Variants in DZIP3 observed in about 807,000 individuals in gnomAD.
The protein encoded by DZIP3 is DAZ interacting zinc finger protein 3.
Under a neutral mutation model 162.0 loss-of-function variants are expected in DZIP3, and 118 were observed. The observed-to-expected ratio is 0.73, with a 90% CI of 0.63 to 0.85. The LOEUF (loss-of-function observed/expected upper bound fraction) is 0.85. Ranked by LOEUF, DZIP3 falls within the 40% of genes least tolerant of loss-of-function variation. DZIP3 has a pLI of 0.00. For missense variants in DZIP3, 1,331 were observed against 1,407.0 expected (o/e 0.95, Z 0.86); for synonymous variants, 438 against 458.6 (o/e 0.96, Z 0.57).
At chr3:108,652,346 T>C (rs1441926347) in intron 18 of DZIP3, among the ~76,000 whole-genome samples, 1 of 151,900 alleles carries the variant, frequency 6.6e-6, no homozygotes, top group Admixed American at 6.6e-5. Context: ...GTGTTTTCAA[T>C]CCCAAACATC....
At position 108,661,895 on chromosome 3, in the gene DZIP3, A is replaced by G; in HGVS notation, c.2218A>G (p.Thr740Ala). The G allele has an allele frequency of 1.9e-6, 3 of 1,613,678 alleles. No individual in the cohort carries two copies. Among genetic ancestry groups the G allele is most frequent in the Non-Finnish European group, 2.5e-6 (3 of 1,179,670 alleles). ...MIEQGSAGKVTTDYGETEKER... is the reference protein window; with the variant it reads ...MIEQGSAGKVATDYGETEKER... The stretch of plus-strand genomic sequence containing the variant: ...TCAATAGGGCTCAGCTGGCAAAGTA[A>G]CTACAGACTATGGAGAAACTGAAAA... Residue 740 changes from threonine to alanine, a missense_variant, in exon 20 of 33, where the codon ACT becomes GCT. Physicochemically the swap from Thr to Ala is moderately conservative, Grantham distance 58 (BLOSUM62 0). Transcript: ENST00000361582.
intron 5 of DZIP3, among the ~76,000 whole-genome samples, chr3:108,617,643 A>G (rs1357632687): frequency 1.3e-5 from 2 of 152,354 alleles, no homozygotes; most frequent in African/African-American, 4.8e-5. Context: ...GAGACGGAAA[A>G]ATAATACTTA....
intron 1 of DZIP3, among the ~76,000 whole-genome samples, chr3:108,595,970 C>A (rs1481362482): frequency 2.0e-5 from 3 of 152,020 alleles, no homozygotes; most frequent in African/African-American, 7.3e-5. Flanking sequence ...AAGTTGTTTT[C>A]TTATAATGGA....
chr3:108,592,788 A>G (rs1576331922), intron 1 of DZIP3, among the ~76,000 whole-genome samples: 1 of 150,948 alleles, frequency 6.6e-6, no homozygotes, highest in Non-Finnish European at 1.5e-5. Flanking sequence ...GTCTTGTTCC[A>G]TTCTTATTAT....
At chr3:108,636,030 A>G (rs1013955144) in intron 10 of DZIP3, among the ~76,000 whole-genome samples, 7 of 152,028 alleles carry the variant, frequency 4.6e-5, no homozygotes, top group African/African-American at 1.4e-4. Flanking sequence ...AACCTATTTC[A>G]TAGGGTTTTT....
chr3:108,629,230 C>CTA, intron 8 of DZIP3, 54 bp downstream of exon 8: 1 of 1,136,780 alleles, frequency 8.8e-7, no homozygotes, highest in South Asian at 1.6e-5. Context: ...GAATAACCAA[C>CTA]TATATCATAT....
chr3:108,616,220 C>G (rs1327136602), intron 4 of DZIP3, among the ~76,000 whole-genome samples: 1 of 151,050 alleles, frequency 6.6e-6, no homozygotes, highest in African/African-American at 2.4e-5. Flanking sequence ...GCTGAGATTG[C>G]GCCAGTGAAC....
intron 21 of DZIP3, 31 bp downstream of exon 21, chr3:108,662,288 TCTG>T: frequency 6.4e-7 from 1 of 1,564,176 alleles, no homozygotes; most frequent in Non-Finnish European, 8.6e-7. Flanking sequence ...AAAGGGAAAT[TCTG>T]CGCCGTAATA....
At chr3:108,649,265 G>A (rs576594330) in intron 17 of DZIP3, among the ~76,000 whole-genome samples, 67 of 151,824 alleles carry the variant, frequency 4.4e-4, no homozygotes, top group Non-Finnish European at 7.5e-4. Flanking sequence ...TTTAAAATGC[G>A]TACTCATTGT....
At chr3:108,610,916 C>T (rs1241762555) in intron 3 of DZIP3, among the ~76,000 whole-genome samples, 10 of 152,112 alleles carry the variant, frequency 6.6e-5, no homozygotes, top group East Asian at 5.8e-4. Context: ...TAATAGCTGA[C>T]GCATCAGTCA....
At chr3:108,684,526 T>TA (rs1252904462) in intron 27 of DZIP3, among the ~76,000 whole-genome samples, 185 bp downstream of exon 27, 1 of 152,180 alleles carries the variant, frequency 6.6e-6, no homozygotes, top group African/African-American at 2.4e-5. Context: ...ATTTAACTGA[T>TA]ACTAGCTTCG....
At chr3:108,689,479 C>T (rs1002681319) in intron 31 of DZIP3, among the ~76,000 whole-genome samples, 134 of 152,202 alleles carry the variant, frequency 8.8e-4, no homozygotes, top group Non-Finnish European at 1.6e-4. Flanking sequence ...GTCAGGAGAT[C>T]GAGACCATCC....
At chr3:108,660,043 T>C (rs1205581717) in intron 19 of DZIP3, among the ~76,000 whole-genome samples, 3 of 152,100 alleles carry the variant, frequency 2.0e-5, no homozygotes, top group African/African-American at 4.8e-5. Flanking sequence ...GAATCAATAT[T>C]GTGAAAATGG....
intron 18 of DZIP3, among the ~76,000 whole-genome samples, chr3:108,653,704 G>T (rs1422923541): frequency 6.6e-6 from 1 of 151,454 alleles, no homozygotes; most frequent in Non-Finnish European, 1.5e-5. Context: ...ACATACATTG[G>T]ACCTAATCAC....
Position 108,636,635 on chromosome 3 carries a change from G to A in DZIP3, c.938G>A (p.Cys313Tyr). ...ATTTAGAGTTTTAGTGGGAAAAAAT[G>A]TTTGAAGGAAGGATGTACAGGTGAC... ...ENDQSFSGKK[C>Y]LKEGCTGDMV... The change falls in exon 11 of 33, where the codon TGT becomes TAT. Residue 313 changes from cysteine (C) to tyrosine (Y), a missense_variant. Around this residue, in one of 2 missense-constraint regions of DZIP3, gnomAD observed 1,278 missense variants for 1,317.1 expected, o/e 0.97. Transcript: ENST00000361582. 1 of 1,558,444 alleles carries A rather than the reference G, an allele frequency of 6.4e-7. No homozygotes were observed. The highest frequency in any genetic ancestry group is 2.4e-5 in the East Asian group (1 of 42,336).
In DZIP3 at chr3:108,644,283, T is replaced by C. The variant is rs780882905; in HGVS notation, c.1261T>C (p.Leu421=). ...IFDEAMPPPL[L]KKELLIHKNV... ...TGATGAGGCTATGCCACCTCCTCTT[T>C]TGAAAAAAGAGCTTCTTATACACAA... The change falls in exon 14 of 33, where the codon TTG becomes CTG. Residue 421 remains leucine (L), a synonymous_variant. Coordinates refer to ENST00000361582, the MANE Select transcript of DZIP3 (RefSeq NM_014648.4). The C allele has an allele frequency of 6.2e-7, 1 of 1,613,978 alleles. No individual in the cohort carries two copies. Among genetic ancestry groups the C allele is most frequent in the Non-Finnish European group, 8.5e-7 (1 of 1,179,926 alleles).
At chr3:108,684,579 CTTAAAA>C (rs1028603076) in intron 27 of DZIP3, among the ~76,000 whole-genome samples, 3 of 151,982 alleles carry the variant, frequency 2.0e-5, no homozygotes, top group Non-Finnish European at 4.4e-5. Flanking sequence ...CTAGAGAATC[CTTAAAA>C]TTATAGTATT....
At chr3:108,671,499 A>G (rs1049980696) in intron 22 of DZIP3, among the ~76,000 whole-genome samples, 1 of 151,952 alleles carries the variant, frequency 6.6e-6, no homozygotes, top group African/African-American at 2.4e-5. Context: ...ATAGGTAACC[A>G]TTTACCTAAT....
intron 26 of DZIP3, among the ~76,000 whole-genome samples, chr3:108,679,072 G>C (rs1379398799): frequency 6.6e-6 from 1 of 152,096 alleles, no homozygotes; most frequent in African/African-American, 2.4e-5. Context: ...TAAGGAATGT[G>C]TTCCAGAGAA....
Sources: gnomAD v4.1 joint callset for allele counts (sites outside exome capture counted in the v4.1 genomes callset) on GRCh38, gnomAD v4.1.1 for gene constraint, gnomAD v4.1.1 regional missense constraint, MANE v1.5 for transcripts, NCBI Gene and HGNC (gene_info 2026-07-23, HGNC 2026-07-21) for gene names.